CDH18: variants seen among roughly 807,000 people sequenced by gnomAD.
The protein encoded by CDH18 is cadherin-18.
Under a neutral mutation model 67.9 loss-of-function variants are expected in CDH18, and 31 were observed. The ratio of observed to expected loss-of-function variants is 0.46; its 90% CI spans 0.34 to 0.62. CDH18 has a LOEUF of 0.62. Ranked by LOEUF, CDH18 falls within the 20% of genes least tolerant of loss-of-function variation. The pLI, the probability that CDH18 is intolerant of heterozygous loss-of-function variation, is 0.01. For missense variants in CDH18, 890 were observed against 975.5 expected, an observed-to-expected ratio of 0.91 and a Z score of 1.17; for synonymous variants, 362 against 347.2, an observed-to-expected ratio of 1.04 and a Z score of -0.48.
At chr5:19,689,751 T>A (rs1580883966) in intron 5 of CDH18, among the ~76,000 whole-genome samples, 1 of 151,794 alleles carries the variant, frequency 6.6e-6, no homozygotes, top group South Asian at 2.1e-4. Flanking sequence ...AACATTTACA[T>A]GAATAAGTCC....
At chr5:19,876,385 A>G (rs1787000849) in intron 2 of CDH18, among the ~76,000 whole-genome samples, 1 of 152,154 alleles carries the variant, frequency 6.6e-6, no homozygotes, top group Non-Finnish European at 1.5e-5. Flanking sequence ...AAAAAGTGCA[A>G]GAAATATCAA....
At chr5:19,874,250 T>C (rs1233900741) in intron 2 of CDH18, among the ~76,000 whole-genome samples, 1 of 152,186 alleles carries the variant, frequency 6.6e-6, no homozygotes, top group Non-Finnish European at 1.5e-5. Flanking sequence ...GCATTATCAA[T>C]TCAGAATGGC....
chr5:19,781,432 C>T (rs763635343), intron 3 of CDH18, among the ~76,000 whole-genome samples: 17 of 151,988 alleles, frequency 1.1e-4, no homozygotes, highest in Non-Finnish European at 2.2e-4. Flanking sequence ...CAAGTGTACT[C>T]CTTGAAAGAT....
At chr5:20,137,744 T>C (rs946636539) in intron 2 of CDH18, among the ~76,000 whole-genome samples, 3 of 152,132 alleles carry the variant, frequency 2.0e-5, no homozygotes, top group Admixed American at 2.0e-4. Context: ...TGGTCTTTGA[T>C]GATAGTGACC....
chr5:20,212,705 A>G (rs1740446451), intron 2 of CDH18, among the ~76,000 whole-genome samples: 1 of 152,016 alleles, frequency 6.6e-6, no homozygotes, highest in African/African-American at 2.4e-5. Flanking sequence ...TAGAAAAGAA[A>G]AAAAAAAACA....
intron 2 of CDH18, among the ~76,000 whole-genome samples, chr5:20,114,374 C>T (rs887985197): frequency 6.6e-6 from 1 of 151,794 alleles, no homozygotes; most frequent in African/African-American, 2.4e-5. Flanking sequence ...AATTCTGAAC[C>T]CTGAGACCCG....
chr5:20,024,080 C>T (rs1738677258), intron 2 of CDH18, among the ~76,000 whole-genome samples: 1 of 152,196 alleles, frequency 6.6e-6, no homozygotes, highest in Non-Finnish European at 1.5e-5. Context: ...ATATCCATCA[C>T]ATATTGCAAA....
At chr5:19,694,317 G>C (rs1312365363) in intron 5 of CDH18, among the ~76,000 whole-genome samples, 27 of 151,922 alleles carry the variant, frequency 1.8e-4, no homozygotes, top group Admixed American at 1.8e-3. Context: ...CAATCTATAG[G>C]GTTCAAAATT....
chr5:20,015,751 T>C (rs942043307), intron 2 of CDH18, among the ~76,000 whole-genome samples: 5 of 152,076 alleles, frequency 3.3e-5, no homozygotes, highest in Admixed American at 3.3e-4. Context: ...TGGCAGATGA[T>C]GAGCTTGCAT....
chr5:19,755,069 A>C (rs1290200807), intron 3 of CDH18, among the ~76,000 whole-genome samples: 1 of 151,994 alleles, frequency 6.6e-6, no homozygotes, highest in East Asian at 1.9e-4. Context: ...GAAAGAGCAC[A>C]AACTGACAAT....
rs10428612 is a variant in CDH18, at chr5:20,425,110, A to G, written c.-580+150352T>C. Among the ~76,000 whole-genome samples the G allele has an allele frequency of 8.0e-3, 1,208 of 151,096 alleles. 95 individuals carry two copies. The highest frequency in any genetic ancestry group is 0.028 in the African/African-American group (1,139 of 40,468). On this transcript the variant is annotated intron_variant, in intron 1 of 14. Coordinates refer to the CDH18 transcript ENST00000507958. Reference sequence around the variant, plus strand: ...AGGCTGGGCACGGTGACTCACGCCTATAATCCCAGCACTTTGGGAGGCTGA... The same window carrying G: ...AGGCTGGGCACGGTGACTCACGCCTGTAATCCCAGCACTTTGGGAGGCTGA...
At chr5:19,815,025 T>C (rs1779140369) in intron 3 of CDH18, among the ~76,000 whole-genome samples, 1 of 152,090 alleles carries the variant, frequency 6.6e-6, no homozygotes, top group Non-Finnish European at 1.5e-5. Context: ...AAACATTTGC[T>C]GAATTATTCA....
intron 2 of CDH18, among the ~76,000 whole-genome samples, chr5:20,050,789 A>T (rs1741351161): frequency 6.6e-6 from 1 of 151,892 alleles, no homozygotes; most frequent in African/African-American, 2.4e-5. Context: ...ATAATTACTG[A>T]TTCTAACCAA....
intron 3 of CDH18, among the ~76,000 whole-genome samples, chr5:19,804,338 A>C (rs1581423830): frequency 1.3e-5 from 2 of 151,972 alleles, no homozygotes. Flanking sequence ...TAAATAAGTA[A>C]ATCCTAAAAT....
At chr5:20,177,383 A>T (rs1471702624) in intron 2 of CDH18, among the ~76,000 whole-genome samples, 1 of 152,172 alleles carries the variant, frequency 6.6e-6, no homozygotes, top group Non-Finnish European at 1.5e-5. Flanking sequence ...TTTTGTTTAC[A>T]TTTAGTTCCT....
chr5:19,971,140 T>C (rs1797980405), intron 2 of CDH18, among the ~76,000 whole-genome samples: 1 of 151,992 alleles, frequency 6.6e-6, no homozygotes, highest in Non-Finnish European at 1.5e-5. Flanking sequence ...GCATGCTTAT[T>C]GATGAAATGC....
At chr5:20,012,378 A>AT (rs1737520237) in intron 2 of CDH18, among the ~76,000 whole-genome samples, 1 of 150,768 alleles carries the variant, frequency 6.6e-6, no homozygotes, top group African/African-American at 2.4e-5. Context: ...TGTTCAAAAA[A>AT]AAAAAAAAAA....
chr5:19,488,177 T>C (rs1740705679), intron 11 of CDH18, among the ~76,000 whole-genome samples: 1 of 152,164 alleles, frequency 6.6e-6, no homozygotes, highest in Non-Finnish European at 1.5e-5. Context: ...ACAGTTCAAT[T>C]TAAAATAAGG....
At position 19,838,823 on chromosome 5, in the gene CDH18, C is replaced by CATCCCCTTTTT; in HGVS notation, c.163_164insAAAAAGGGGAT (p.Trp55Ter). The CATCCCCTTTTT allele has an allele frequency of 6.2e-7, 1 of 1,614,034 alleles. No homozygotes were observed. Among genetic ancestry groups the CATCCCCTTTTT allele is most frequent in the Non-Finnish European group, 8.5e-7 (1 of 1,179,950 alleles). On this transcript the variant is annotated stop_gained and frameshift_variant, in exon 3 of 13. Transcript: ENST00000382275. LOFTEE classifies it high-confidence loss of function. ...TAAAACAAAGAACTGATTCCATACC[C>CATCCCCTTTTT]ATCCCCTTTTGGGACGATGATGGAC... is the stretch of plus-strand genomic sequence containing the variant.
Sources: gnomAD v4.1 joint callset for allele counts (sites outside exome capture counted in the v4.1 genomes callset) on GRCh38, gnomAD v4.1.1 for gene constraint, MANE v1.5 for transcripts, NCBI Gene and HGNC (gene_info 2026-07-23, HGNC 2026-07-21) for gene names.